The following OXR1 variants were observed in gnomAD, a reference collection of about 807,000 sequenced individuals.
OXR1 encodes oxidation resistance protein 1.
A neutral mutation model predicts 104.6 loss-of-function variants in OXR1; 41 were observed. The observed-to-expected ratio is 0.39, with a 90% CI of 0.31 to 0.51. The LOEUF is 0.51. Among genes scored for constraint, OXR1 ranks in the 20% least tolerant of loss-of-function variants. The pLI is 0.77. For missense variants in OXR1, 955 were observed against 1,031.9 expected (o/e 0.93, Z 1.02); for synonymous variants, 348 against 348.4 (o/e 1.00, Z 0.01).
intron 2 of OXR1, among the ~76,000 whole-genome samples, chr8:106,367,945 G>A (rs1437573638): frequency 1.3e-5 from 2 of 152,152 alleles, no homozygotes; most frequent in African/African-American, 4.8e-5. Context: ...GTGGAAAACA[G>A]CCAATAAGGG....
chr8:106,385,866 C>G (rs1378132842), intron 2 of OXR1, among the ~76,000 whole-genome samples: 5 of 152,174 alleles, frequency 3.3e-5, no homozygotes, highest in Non-Finnish European at 5.9e-5. Flanking sequence ...TCTTCCTGCA[C>G]TCTAAAGGCT....
chr8:106,402,638 T>A (rs1055997703), intron 2 of OXR1, among the ~76,000 whole-genome samples: 4 of 152,182 alleles, frequency 2.6e-5, no homozygotes, highest in African/African-American at 9.6e-5. Context: ...CCAGTATTTC[T>A]CCAAAGGTCT....
At chr8:106,674,203 C>T (rs908012954) in intron 3 of OXR1, among the ~76,000 whole-genome samples, 10 of 152,220 alleles carry the variant, frequency 6.6e-5, no homozygotes, top group Non-Finnish European at 1.2e-4. Flanking sequence ...TGCCAAGCCA[C>T]AGGGGTGGAA....
Position 106,710,800 on chromosome 8 carries a change from C to A in OXR1, c.1793+10C>A, listed in dbSNP as rs370552606. 4.1e-6 allele frequency: 6 copies of A among 1,457,848 alleles called. No individual in the cohort carries two copies. In the African/African-American group the frequency reaches 5.8e-5, roughly 14 times the overall value. The allele number at this position is 1,457,848 out of a possible 1,614,324, so 90.3% of individuals were successfully genotyped here. A position where few individuals can be genotyped will look rare whatever the true frequency, so the allele number is the denominator to read the frequency against. ...CTGTGCCACAAGAAAGGTAAAAAAC[C>A]CATACGACACCTTGAGAGCATTATT... is the stretch of plus-strand genomic sequence containing the variant. On this transcript the variant is annotated intron_variant, in intron 10 of 16. Transcript: ENST00000517566.
chr8:106,618,635 C>T (rs1168091439), intron 3 of OXR1, among the ~76,000 whole-genome samples: 1 of 152,116 alleles, frequency 6.6e-6, no homozygotes, highest in Non-Finnish European at 1.5e-5. Flanking sequence ...GTTGCCTTAC[C>T]TTATTCTTCA....
intron 1 of OXR1, among the ~76,000 whole-genome samples, chr8:106,354,542 A>C (rs1563733330): frequency 6.6e-6 from 1 of 152,146 alleles, no homozygotes; most frequent in Non-Finnish European, 1.5e-5. Context: ...CCCCTTTGGA[A>C]TTGAAGCCTA....
At chr8:106,466,328 G>T (rs1426420886) in intron 2 of OXR1, among the ~76,000 whole-genome samples, 3 of 151,794 alleles carry the variant, frequency 2.0e-5, no homozygotes, top group African/African-American at 4.8e-5. Flanking sequence ...TTGAAATATG[G>T]ATTATACCAC....
intron 3 of OXR1, among the ~76,000 whole-genome samples, chr8:106,671,705 A>G (rs1317339048): frequency 2.0e-5 from 3 of 151,724 alleles, no homozygotes; most frequent in Non-Finnish European, 4.4e-5. Flanking sequence ...ATTCTCAGCA[A>G]ACTATCACAA....
chr8:106,384,221 A>G (rs535133038), intron 2 of OXR1, among the ~76,000 whole-genome samples: 10 of 152,230 alleles, frequency 6.6e-5, no homozygotes, highest in African/African-American at 2.4e-4. Flanking sequence ...GTCTGTGATG[A>G]TGATGGTATC....
intron 3 of OXR1, among the ~76,000 whole-genome samples, chr8:106,586,844 G>C (rs1420856868): frequency 6.6e-6 from 1 of 152,170 alleles, no homozygotes; most frequent in African/African-American, 2.4e-5. Context: ...GTTTATCAAG[G>C]AGGAGGTCAT....
rs552370856 is a variant in OXR1, at chr8:106,401,349, T to C, written c.23+41713T>C. Among the ~76,000 whole-genome samples the C allele has an allele frequency of 1.2e-4, 19 of 152,320 alleles. No individual in the cohort carries two copies. The East Asian group carries it at 3.5e-3, about 28-fold the overall frequency. On this transcript the variant is annotated intron_variant, in intron 2 of 16. Coordinates refer to ENST00000517566, the MANE Select transcript of OXR1 (RefSeq NM_001198533.2). ...TTTGCAGACCATGCCTATGGTCTTA[T>C]CTTCCTCTAATTAAGCGTTCGGTGT... is the stretch of plus-strand genomic sequence containing the variant.
intron 2 of OXR1, among the ~76,000 whole-genome samples, chr8:106,443,759 A>G (rs1348504068): frequency 6.6e-6 from 1 of 152,046 alleles, no homozygotes; most frequent in African/African-American, 2.4e-5. Context: ...TTCCAAGGCA[A>G]TTCCATTCAG....
chr8:106,591,296 G>A lies in OXR1; in HGVS notation c.220+72157G>A, dbSNP rs1350010523. On this transcript the variant is annotated intron_variant, in intron 3 of 16. Transcript: ENST00000517566. ...ACACTGGGGACTGTTGTGGGGTGGG[G>A]GGAGGGGGGAGGGGGGAGGGATAGC... is the stretch of plus-strand genomic sequence containing the variant. Among the ~76,000 whole-genome samples, 232 of 104,152 alleles carry A rather than the reference G, an allele frequency of 2.2e-3. 1 individual carries two copies. Among genetic ancestry groups the A allele is most frequent in the Non-Finnish European group, 3.5e-3 (185 of 52,524 alleles). The allele number at this position is 104,152 out of a possible 152,430, so 68.3% of individuals were successfully genotyped here.
intron 2 of OXR1, among the ~76,000 whole-genome samples, chr8:106,468,083 A>T (rs1263900796): frequency 6.6e-6 from 1 of 151,758 alleles, no homozygotes; most frequent in Non-Finnish European, 1.5e-5. Flanking sequence ...AGACAGGAAG[A>T]TAAGTAGCAT....
intron 2 of OXR1, among the ~76,000 whole-genome samples, chr8:106,405,168 A>AG (rs1230958949): frequency 0.012 from 643 of 51,762 alleles, 41 homozygotes; most frequent in African/African-American, 0.055. Flanking sequence ...ATATATATAT[A>AG]TATATATATA....
chr8:106,575,133 A>G (rs1157564638), intron 3 of OXR1, among the ~76,000 whole-genome samples: 2 of 152,162 alleles, frequency 1.3e-5, no homozygotes, highest in African/African-American at 4.8e-5. Context: ...AATTTTTTCA[A>G]CATATTACTG....
chr8:106,401,600 C>G (rs1311444782), intron 2 of OXR1, among the ~76,000 whole-genome samples: 1 of 152,106 alleles, frequency 6.6e-6, no homozygotes, highest in Non-Finnish European at 1.5e-5. Flanking sequence ...GTAACACACA[C>G]AAATGAGGAA....
chr8:106,678,761 A>T (rs1827847176), intron 3 of OXR1, among the ~76,000 whole-genome samples: 1 of 152,024 alleles, frequency 6.6e-6, no homozygotes, highest in Middle Eastern at 3.2e-3. Context: ...CATAGAGAAG[A>T]CTATTTTTCA....
At chr8:106,351,643 C>T (rs1815729853) in intron 1 of OXR1, among the ~76,000 whole-genome samples, 1 of 152,132 alleles carries the variant, frequency 6.6e-6, no homozygotes, top group African/African-American at 2.4e-5. Flanking sequence ...GAAAGGAAAG[C>T]AGGTGTCAGA....
Sources: allele counts gnomAD v4.1 joint callset (sites outside exome capture counted in the v4.1 genomes callset), GRCh38; gene constraint gnomAD v4.1.1; transcripts MANE v1.5; gene names NCBI Gene and HGNC (gene_info 2026-07-23, HGNC 2026-07-21).